Variants in IGFBPL1 observed in about 807,000 individuals in gnomAD.
IGFBPL1 encodes insulin like growth factor binding protein like 1, also known as insulin-like growth factor-binding protein-like 1.
In IGFBPL1, 20 loss-of-function variants were observed where a neutral mutation model predicts 23.9. That is an observed-to-expected ratio of 0.84 (90% CI 0.59 to 1.22). IGFBPL1 has a LOEUF of 1.22. Ranked by LOEUF, IGFBPL1 falls within the 50% of genes most tolerant of loss-of-function variation. The pLI is 0.00. For synonymous variants in IGFBPL1, 184 were observed against 171.8 expected, an observed-to-expected ratio of 1.07 and a Z score of -0.56; for missense variants, 436 against 379.3, an observed-to-expected ratio of 1.15 and a Z score of -1.24.
chr9:38,419,966 T>C (rs554507336), intron 1 of IGFBPL1, among the ~76,000 whole-genome samples: 1 of 151,072 alleles, frequency 6.6e-6, no homozygotes, highest in African/African-American at 2.4e-5. Context: ...CATAGCTCAC[T>C]GTAGCCTCGA....
At chr9:38,418,810 G>A (rs1821634364) in intron 1 of IGFBPL1, among the ~76,000 whole-genome samples, 3 of 152,098 alleles carry the variant, frequency 2.0e-5, no homozygotes, top group Non-Finnish European at 4.4e-5. Context: ...TAACCAGCAG[G>A]TAAGACAGTC....
intron 1 of IGFBPL1, among the ~76,000 whole-genome samples, chr9:38,422,308 A>G (rs957191612): frequency 6.6e-6 from 1 of 152,208 alleles, no homozygotes; most frequent in African/African-American, 2.4e-5. Context: ...CCTTTCTCTT[A>G]GGAAGAGAAT....
intron 2 of IGFBPL1, 108 bp downstream of exon 2, chr9:38,413,986 T>C: frequency 1.4e-6 from 1 of 740,568 alleles, no homozygotes. Flanking sequence ...ATAAACACAC[T>C]TAAAAGAAAA....
intron 2 of IGFBPL1, among the ~76,000 whole-genome samples, chr9:38,413,768 C>T (rs1821551470): frequency 6.6e-6 from 1 of 152,120 alleles, no homozygotes; most frequent in African/African-American, 2.4e-5. Flanking sequence ...AAGCAGGATA[C>T]ACACACACAT....
In IGFBPL1 at chr9:38,410,482, CAAA is replaced by C. The variant is rs1345601056; in HGVS notation, c.*9+906_*9+908del. ...TGGGTGACAGAGTGAGACTCTGTCT[CAAA>C]AAAAAAAAAAAAAAATGATTGGTCT... On this transcript the variant is annotated intron_variant, in intron 4 of 4. Transcript: ENST00000377694. Among the ~76,000 whole-genome samples, 22 of 80,228 alleles carry C rather than the reference CAAA, an allele frequency of 2.7e-4. No individual in the cohort carries two copies. In the East Asian group the frequency reaches 6.4e-3, roughly 23 times the overall value. 52.6% of individuals were successfully genotyped at this position (80,228 alleles called of 152,430 possible). A position where few individuals can be genotyped will look rare whatever the true frequency, so the allele number is the denominator to read the frequency against.
At chr9:38,423,128 G>C (rs957374278) in intron 1 of IGFBPL1, among the ~76,000 whole-genome samples, 1 of 152,120 alleles carries the variant, frequency 6.6e-6, no homozygotes, top group Non-Finnish European at 1.5e-5. Context: ...TTAGGAAGCC[G>C]GTAAAGCAGT....
chr9:38,414,265 T>A, intron 1 of IGFBPL1, 62 bp from the exon 2 acceptor site: 1 of 960,308 alleles, frequency 1.0e-6, no homozygotes, highest in Non-Finnish European at 1.6e-6. Context: ...AACCCACCTC[T>A]AAATTCCCCT....
At chr9:38,419,889 CTCCT>C (rs1821653514) in intron 1 of IGFBPL1, among the ~76,000 whole-genome samples, 1 of 144,412 alleles carries the variant, frequency 6.9e-6, no homozygotes, top group African/African-American at 2.6e-5. Flanking sequence ...CCTCCTCCTC[CTCCT>C]TCTTCTTCTT....
chr9:38,423,646 G>C (rs532369833), intron 1 of IGFBPL1, among the ~76,000 whole-genome samples: 1 of 151,908 alleles, frequency 6.6e-6, no homozygotes, highest in Non-Finnish European at 1.5e-5. Context: ...CTGGGAACTC[G>C]GATCCCCCTC....
chr9:38,420,168 T>C (rs750757689), intron 1 of IGFBPL1, among the ~76,000 whole-genome samples: 26 of 152,126 alleles, frequency 1.7e-4, no homozygotes, highest in Admixed American at 1.2e-3. Context: ...AGAATGAAGC[T>C]TCCCCCTTCG....
At position 38,414,171 on chromosome 9, in the gene IGFBPL1, GA is replaced by G; in HGVS notation, c.492del (p.His165ThrfsTer14). ...CCCACCTGCGCCCCGGTGACGTTGT[GA>G]ACACTTCGGGGAGGAACGACGACCA... ...APVVVVPPRS[V>X]HNVTGAQVGL... is the part of the protein sequence containing the mutation. On this transcript the variant is annotated frameshift_variant, in exon 2 of 5. Transcript: ENST00000377694. LOFTEE classifies it high-confidence loss of function. The G allele has an allele frequency of 6.2e-7, 1 of 1,610,608 alleles. No homozygotes were observed. The highest frequency in any genetic ancestry group is 8.5e-7 in the Non-Finnish European group (1 of 1,178,394).
At chr9:38,418,523 G>A (rs1266011363) in intron 1 of IGFBPL1, among the ~76,000 whole-genome samples, 2 of 152,020 alleles carry the variant, frequency 1.3e-5, no homozygotes. Context: ...TGGGTGAGAG[G>A]CACCAGGGAC....
intron 1 of IGFBPL1, among the ~76,000 whole-genome samples, chr9:38,422,747 T>C (rs1821699394): frequency 6.6e-6 from 1 of 152,230 alleles, no homozygotes; most frequent in Non-Finnish European, 1.5e-5. Flanking sequence ...ACACTGGTTT[T>C]ACATTTCCCA....
chr9:38,412,271 G>A (rs547489747), intron 3 of IGFBPL1, among the ~76,000 whole-genome samples: 3 of 152,314 alleles, frequency 2.0e-5, no homozygotes, highest in African/African-American at 7.2e-5. Flanking sequence ...GGGGAAGGGT[G>A]AGCATTATGG....
intron 1 of IGFBPL1, among the ~76,000 whole-genome samples, chr9:38,415,490 T>G (rs758438460): frequency 7.2e-5 from 11 of 152,044 alleles, no homozygotes; most frequent in Non-Finnish European, 1.6e-4. Context: ...GGAGACTAGT[T>G]TGGCCCCTCC....
rs759010776 is a variant in IGFBPL1, at chr9:38,414,194, A to G, written c.470T>C (p.Val157Ala). 3 of 1,599,470 alleles carry G rather than the reference A, an allele frequency of 1.9e-6. No homozygotes were observed. Among genetic ancestry groups the G allele is most frequent in the Non-Finnish European group, 2.6e-6 (3 of 1,172,748 alleles). ...GTGAACACTTCGGGGAGGAACGACGACCACAGGAGCTAGGAGGAGGAGACA... is the reference window on the plus strand; with the variant it reads ...GTGAACACTTCGGGGAGGAACGACGGCCACAGGAGCTAGGAGGAGGAGACA... Reference protein sequence around the residue: ...RDGPCEFAPVVVVPPRSVHNV... With the variant: ...RDGPCEFAPVAVVPPRSVHNV... Residue 157 changes from valine (V) to alanine (A), a missense_variant, in exon 2 of 5, where the codon GTC becomes GCC. Val to Ala is a moderately conservative substitution (Grantham distance 64). Transcript: ENST00000377694.
At position 38,412,053 on chromosome 9, in the gene IGFBPL1, A is replaced by T. The variant is rs193258906; in HGVS notation, c.688-504T>A. Among the ~76,000 whole-genome samples, 898 of 152,276 alleles carry T rather than the reference A, an allele frequency of 5.9e-3. 6 individuals are homozygous for T. The highest frequency in any genetic ancestry group is 0.01 in the Non-Finnish European group (707 of 68,022). ...TCCCAATCTCTCAGCTGGGTGGAGA[A>T]GAGTCACCAAGCCTCCCAGAGCTGT... On this transcript the variant is annotated intron_variant, in intron 3 of 4. Coordinates refer to ENST00000377694, the MANE Select transcript of IGFBPL1 (RefSeq NM_001007563.3).
chr9:38,412,243 A>G (rs968802367), intron 3 of IGFBPL1, among the ~76,000 whole-genome samples: 5 of 152,184 alleles, frequency 3.3e-5, no homozygotes, highest in African/African-American at 1.2e-4. Context: ...AGCTCGTTTT[A>G]AACTCATGCC....
At chr9:38,411,247 T>G in intron 4 of IGFBPL1, 144 bp downstream of exon 4, 1 of 653,892 alleles carries the variant, frequency 1.5e-6, no homozygotes, top group Middle Eastern at 4.0e-4. Flanking sequence ...ACTGCTCATC[T>G]AAGTATGTCC....
Sources: allele counts gnomAD v4.1 joint callset (sites outside exome capture counted in the v4.1 genomes callset), GRCh38; gene constraint gnomAD v4.1.1; transcripts MANE v1.5; gene names NCBI Gene and HGNC (gene_info 2026-07-23, HGNC 2026-07-21).